Variants in CATSPERB observed in about 807,000 individuals in gnomAD.
The protein encoded by CATSPERB is catsper channel auxiliary subunit beta.
A neutral mutation model predicts 128.3 loss-of-function variants in CATSPERB; 93 were observed. The ratio of observed to expected loss-of-function variants is 0.72; its 90% CI spans 0.61 to 0.86. The LOEUF is 0.86. Among genes scored for constraint, CATSPERB ranks in the 40% least tolerant of loss-of-function variants. The probability of loss-of-function intolerance (pLI) is 0.00; values close to 1 mark genes in which losing one functional copy is unlikely to be tolerated. For missense variants in CATSPERB, 1,153 were observed against 1,329.5 expected (o/e 0.87, Z 2.06); for synonymous variants, 381 against 448.8 (o/e 0.85, Z 1.91).
chr14:91,600,856 A>G, intron 22 of CATSPERB, among the ~76,000 whole-genome samples: 1 of 152,258 alleles, frequency 6.6e-6, no homozygotes, highest in African/African-American at 2.4e-5. Flanking sequence ...TATCTTCAAG[A>G]CTAAAATGGT....
At chr14:91,591,324 G>T (rs1252335311) in intron 23 of CATSPERB, among the ~76,000 whole-genome samples, 2 of 151,976 alleles carry the variant, frequency 1.3e-5, no homozygotes, top group African/African-American at 2.4e-5. Flanking sequence ...CAAAGTGCTG[G>T]GATTACAGGT....
At position 91,588,058 on chromosome 14, in the gene CATSPERB, T is replaced by C. The variant is rs1668632192; in HGVS notation, c.2977A>G (p.Ile993Val). 3 of 1,608,258 alleles carry C rather than the reference T, an allele frequency of 1.9e-6. No individual in the cohort carries two copies. In the African/African-American group the frequency reaches 4.0e-5, roughly 21 times the overall value. Residue 993 changes from isoleucine to valine, a missense_variant, in exon 25 of 27, where the codon ATT (isoleucine) becomes GTT (valine). By Grantham distance (29) the Ile-to-Val change is conservative (BLOSUM62 3). Coordinates refer to ENST00000256343, the MANE Select transcript of CATSPERB (RefSeq NM_024764.4). ...TCTACTAATTGTTTCATTCTTTTAA[T>C]ATTTTCTGGCACAGTGTGTTCTAAA... is the stretch of plus-strand genomic sequence containing the variant. ...WKLKHTVPEN[I>V]KRMKQLVEPI... is the part of the protein sequence containing the mutation.
chr14:91,658,941 G>A (rs189099542), intron 15 of CATSPERB, among the ~76,000 whole-genome samples: 1 of 151,850 alleles, frequency 6.6e-6, no homozygotes, highest in Non-Finnish European at 1.5e-5. Context: ...TGAGAATCAT[G>A]TCCCTTTATC....
chr14:91,600,721 G>C (rs182407818), intron 22 of CATSPERB, among the ~76,000 whole-genome samples: 1 of 152,316 alleles, frequency 6.6e-6, no homozygotes, highest in African/African-American at 2.4e-5. Context: ...TGCAAATCCT[G>C]CATGTTCTCA....
intron 10 of CATSPERB, among the ~76,000 whole-genome samples, chr14:91,684,654 G>C (rs1895343678): frequency 7.7e-6 from 1 of 130,050 alleles, no homozygotes; most frequent in Non-Finnish European, 1.6e-5. Context: ...TTACTCTGTT[G>C]CCCAGGCTGG....
intron 4 of CATSPERB, among the ~76,000 whole-genome samples, chr14:91,721,719 G>T (rs138117540): frequency 1.3e-5 from 2 of 152,022 alleles, no homozygotes; most frequent in East Asian, 3.9e-4. Context: ...GTTTGGTGGC[G>T]GATGCCTGTA....
intron 26 of CATSPERB, among the ~76,000 whole-genome samples, chr14:91,586,220 C>T (rs911767187): frequency 2.0e-5 from 3 of 152,184 alleles, no homozygotes; most frequent in African/African-American, 7.2e-5. Flanking sequence ...GATGTCCCCC[C>T]ATGCTTTCCA....
rs370586188 is a variant in CATSPERB at position 91,636,017 on chromosome 14, ATACT to A, written c.1742+404_1742+407del. 7.0e-3 allele frequency: 1,109 copies of A among 157,660 alleles called. 5 individuals are homozygous for A. Among genetic ancestry groups the A allele is most frequent in the Middle Eastern group, 0.02 (6 of 302 alleles). 9.8% of individuals were successfully genotyped at this position (157,660 alleles called of 1,614,324 possible). A position where few individuals can be genotyped will look rare whatever the true frequency, so the allele number is the denominator to read the frequency against. ...TTTGGCCTTGTGGGGTGTCAAAAAA[ATACT>A]TACTCTATTTGACCAAGAAAATTAT... is the stretch of plus-strand genomic sequence containing the variant. On this transcript the variant is annotated intron_variant, in intron 17 of 26. Transcript: ENST00000256343.
At chr14:91,659,707 A>C in intron 15 of CATSPERB, 130 bp downstream of exon 15, 1 of 816,068 alleles carries the variant, frequency 1.2e-6, no homozygotes, top group South Asian at 1.9e-5. Context: ...ACTTCTGTAG[A>C]TCCTACAAAT....
At chr14:91,689,163 G>A (rs1190304060) in intron 10 of CATSPERB, among the ~76,000 whole-genome samples, 5 of 152,158 alleles carry the variant, frequency 3.3e-5, no homozygotes, top group African/African-American at 9.7e-5. Flanking sequence ...CAGCTCTCCC[G>A]GTAGGCCCAT....
chr14:91,617,875 A>G, intron 19 of CATSPERB, 139 bp from the exon 20 acceptor site: 1 of 611,574 alleles, frequency 1.6e-6, no homozygotes. Flanking sequence ...ACAGTTAGCA[A>G]TTTATATAGA....
intron 4 of CATSPERB, among the ~76,000 whole-genome samples, chr14:91,722,840 G>T (rs757319628): frequency 4.4e-4 from 67 of 151,856 alleles, no homozygotes; most frequent in Non-Finnish European, 7.9e-4. Context: ...TAAATATGTA[G>T]GTAAAGGGTA....
At chr14:91,611,825 T>C (rs1454379790) in intron 20 of CATSPERB, among the ~76,000 whole-genome samples, 1 of 152,196 alleles carries the variant, frequency 6.6e-6, no homozygotes, top group Non-Finnish European at 1.5e-5. Flanking sequence ...CATATATGTG[T>C]CTTACAACAA....
intron 5 of CATSPERB, among the ~76,000 whole-genome samples, chr14:91,717,352 G>A (rs1895960466): frequency 6.6e-6 from 1 of 152,100 alleles, no homozygotes; most frequent in Admixed American, 6.6e-5. Context: ...TTCATAGAAT[G>A]CAAATTATAC....
intron 22 of CATSPERB, chr14:91,604,283 T>C (rs1893660564): frequency 1.5e-6 from 1 of 687,758 alleles, no homozygotes; most frequent in Non-Finnish European, 2.6e-6. Flanking sequence ...ATAGGCATAA[T>C]GGAAACCAGA....
chr14:91,684,605 CTTTTTTTTTTTTT>C (rs1160778932), intron 10 of CATSPERB, among the ~76,000 whole-genome samples: 4 of 112,344 alleles, frequency 3.6e-5, no homozygotes, highest in Non-Finnish European at 7.4e-5. Flanking sequence ...GGAGACACTT[CTTTTTTTTTTTTT>C]TTTTTTTTTA....
intron 15 of CATSPERB, among the ~76,000 whole-genome samples, chr14:91,650,532 T>A (rs147101978): frequency 9.8e-4 from 150 of 152,322 alleles, no homozygotes; most frequent in African/African-American, 3.5e-3. Flanking sequence ...AGCAGAAGAA[T>A]CCAAGGCTGG....
At chr14:91,582,838 CT>C (rs929644667) in intron 26 of CATSPERB, among the ~76,000 whole-genome samples, 1 of 152,170 alleles carries the variant, frequency 6.6e-6, no homozygotes, top group Non-Finnish European at 1.5e-5. Context: ...CCTCCTCACT[CT>C]TCAATTGTTA....
At chr14:91,585,286 A>AT (rs1237171602) in intron 26 of CATSPERB, among the ~76,000 whole-genome samples, 1 of 152,036 alleles carries the variant, frequency 6.6e-6, no homozygotes, top group Non-Finnish European at 1.5e-5. Flanking sequence ...AAGTGCTGGG[A>AT]TTTTTTTCCC....
Sources: allele counts gnomAD v4.1 joint callset (sites outside exome capture counted in the v4.1 genomes callset), GRCh38; gene constraint gnomAD v4.1.1; transcripts MANE v1.5; gene names NCBI Gene and HGNC (gene_info 2026-07-23, HGNC 2026-07-21).